GABPB2: variants seen among roughly 807,000 people sequenced by gnomAD.
GABPB2 encodes GA binding protein transcription factor subunit beta 2.
A neutral mutation model predicts 39.1 loss-of-function variants in GABPB2; 23 were observed. The observed-to-expected ratio is 0.59, with a 90% CI of 0.42 to 0.83. The LOEUF (loss-of-function observed/expected upper bound fraction) is 0.83. Among genes scored for constraint, GABPB2 ranks in the 40% least tolerant of loss-of-function variants. The pLI, the probability that GABPB2 is intolerant of heterozygous loss-of-function variation, is 0.00. For missense variants in GABPB2, 467 were observed against 541.1 expected (o/e 0.86, Z 1.36); for synonymous variants, 184 against 199.3 (o/e 0.92, Z 0.65).
rs753339649 is a variant in GABPB2, at chr1:151,080,231, A to G, written c.1-7959A>G. The stretch of plus-strand genomic sequence containing the variant: ...ACTCCATCTCAAAAAAAAAAAAAAA[A>G]AAAAAAAAAAAAACAATAATTAGCT... On this transcript the variant is annotated intron_variant, in intron 1 of 8. Coordinates refer to ENST00000368918, the MANE Select transcript of GABPB2 (RefSeq NM_144618.3). 2.6e-3 allele frequency among the ~76,000 whole-genome samples: 356 copies of G among 138,204 alleles called. 3 individuals are homozygous for G. The highest frequency in any genetic ancestry group is 5.2e-3 in the South Asian group (23 of 4,424). The allele number at this position is 138,204 out of a possible 152,430, so 90.7% of individuals were successfully genotyped here. A position where few individuals can be genotyped will look rare whatever the true frequency, so the allele number is the denominator to read the frequency against.
At chr1:151,077,142 A>G (rs1677236098) in intron 1 of GABPB2, among the ~76,000 whole-genome samples, 1 of 152,112 alleles carries the variant, frequency 6.6e-6, no homozygotes, top group Non-Finnish European at 1.5e-5. Context: ...ATTGGCTTTG[A>G]AAGAACTTTG....
intron 1 of GABPB2, among the ~76,000 whole-genome samples, chr1:151,076,766 A>C (rs1046847444): frequency 6.7e-6 from 1 of 149,142 alleles, no homozygotes; most frequent in Non-Finnish European, 1.5e-5. Flanking sequence ...TCATGGTAAA[A>C]TAGATTGGCT....
intron 5 of GABPB2, among the ~76,000 whole-genome samples, chr1:151,102,905 C>A (rs894501811): frequency 2.6e-5 from 4 of 152,118 alleles, no homozygotes; most frequent in South Asian, 2.1e-4. Context: ...ACACTTACTG[C>A]CTGCTGCCAA....
chr1:151,084,065 A>AT (rs977453962), intron 1 of GABPB2, among the ~76,000 whole-genome samples: 78 of 149,736 alleles, frequency 5.2e-4, no homozygotes, highest in South Asian at 2.5e-3. Context: ...TATATAAAAA[A>AT]ATATATATAT....
At chr1:151,071,653 A>G (rs958778740) in intron 1 of GABPB2, among the ~76,000 whole-genome samples, 1 of 151,776 alleles carries the variant, frequency 6.6e-6, no homozygotes, top group African/African-American at 2.4e-5. Context: ...TATATTTTTA[A>G]TAGAGACGGG....
intron 1 of GABPB2, chr1:151,073,173 C>T (rs376076587): frequency 6.6e-6 from 1 of 152,096 alleles, no homozygotes; most frequent in Non-Finnish European, 1.5e-5. Flanking sequence ...GGCCACCACA[C>T]CCTGCTAATT....
intron 4 of GABPB2, 72 bp from the exon 5 acceptor site, chr1:151,097,776 CAAAA>C (rs35034487): frequency 4.9e-5 from 60 of 1,222,830 alleles, no homozygotes; most frequent in Admixed American, 7.0e-5. Flanking sequence ...GAGACTGTCT[CAAAA>C]AAAAAAAAAA....
At chr1:151,075,543 G>A (rs1291097827) in intron 1 of GABPB2, among the ~76,000 whole-genome samples, 8 of 128,206 alleles carry the variant, frequency 6.2e-5, no homozygotes, top group Admixed American at 2.9e-4. Flanking sequence ...TAGCCTGGGC[G>A]ACAGAGCGAG....
Position 151,107,190 on chromosome 1 carries a change from C to G in GABPB2, c.890C>G (p.Pro297Arg). Reference sequence around the variant, plus strand: ...ATCCCTACTGGAGGCATTGGCCAGCCATTTATTGTAACTGTGCAAGATGGA... The same window carrying G: ...ATCCCTACTGGAGGCATTGGCCAGCGATTTATTGTAACTGTGCAAGATGGA... ...TSIPTGGIGQ[P>R]FIVTVQDGQQ... Residue 297 changes from proline (P) to arginine (R), a missense_variant, in exon 7 of 9, where the codon CCA becomes CGA. Coordinates refer to ENST00000368918, the MANE Select transcript of GABPB2 (RefSeq NM_144618.3). 1 of 1,599,332 alleles carries G rather than the reference C, an allele frequency of 6.3e-7. No individual in the cohort carries two copies.
chr1:151,077,265 TAA>T (rs1055204417), intron 1 of GABPB2, among the ~76,000 whole-genome samples: 2 of 151,544 alleles, frequency 1.3e-5, no homozygotes, highest in African/African-American at 4.8e-5. Flanking sequence ...CTGTGGTAAG[TAA>T]AGAGTGTCAC....
In GABPB2 at chr1:151,121,004, C is replaced by T. The variant is rs1681163434; in HGVS notation, c.*2748C>T. 6.6e-6 allele frequency: 1 copy of T among 152,230 alleles called. No individual in the cohort carries two copies. Among genetic ancestry groups the T allele is most frequent in the Non-Finnish European group, 1.5e-5 (1 of 68,032 alleles). 9.4% of individuals were successfully genotyped at this position (152,230 alleles called of 1,614,324 possible). On this transcript the variant is annotated 3_prime_UTR_variant, in exon 9 of 9. Transcript: ENST00000368918. ...CTCCTGGCCTCAGGTGATCCACCCG[C>T]CTTGGCCTCCCAAAATGCTGAGATT...
chr1:151,084,331 C>T (rs1677986027), intron 1 of GABPB2, among the ~76,000 whole-genome samples: 2 of 151,238 alleles, frequency 1.3e-5, no homozygotes, highest in Non-Finnish European at 2.9e-5. Flanking sequence ...AAGTGATTCT[C>T]CTGCCTCAGC....
chr1:151,106,920 C>CTTTTTTTT, intron 6 of GABPB2, 117 bp from the exon 7 acceptor site: 1 of 591,094 alleles, frequency 1.7e-6, no homozygotes. Flanking sequence ...TTGAATCTCA[C>CTTTTTTTT]TTTTTTTTTT....
At chr1:151,097,705 G>A (rs978145339) in intron 4 of GABPB2, 147 bp from the exon 5 acceptor site, 4 of 654,698 alleles carry the variant, frequency 6.1e-6, no homozygotes, top group Non-Finnish European at 7.7e-6. Context: ...CCTGAACCCA[G>A]GAGGTGGAGG....
intron 4 of GABPB2, among the ~76,000 whole-genome samples, chr1:151,094,157 T>G (rs181658375): frequency 2.1e-4 from 31 of 150,160 alleles, no homozygotes; most frequent in Admixed American, 1.8e-3. Context: ...GTTTGAGGGA[T>G]TCTTCCACCT....
chr1:151,083,654 A>ATT (rs587640005), intron 1 of GABPB2, among the ~76,000 whole-genome samples: 1,841 of 145,390 alleles, frequency 0.013, 46 homozygotes, highest in African/African-American at 0.047. Context: ...AAAAAAAAAA[A>ATT]TTATATATAT....
In GABPB2 at chr1:151,116,634, G is replaced by T. The variant is rs1274236156; in HGVS notation, c.923-758G>T. The stretch of plus-strand genomic sequence containing the variant: ...GTTTGTTTGTTTGTTTTAAGACAGG[G>T]TCTCATTCTGTCACCCAGGCTGGAG... On this transcript the variant is annotated intron_variant, in intron 7 of 8. Transcript: ENST00000368918. Among the ~76,000 whole-genome samples, 4 of 151,966 alleles carry T rather than the reference G, an allele frequency of 2.6e-5. No homozygotes were observed. In the East Asian group the frequency reaches 5.8e-4, roughly 22 times the overall value.
chr1:151,108,690 T>C (rs1680157847), intron 7 of GABPB2, among the ~76,000 whole-genome samples: 1 of 152,026 alleles, frequency 6.6e-6, no homozygotes, highest in Non-Finnish European at 1.5e-5. Flanking sequence ...GGCTATACAT[T>C]AGTATACTGA....
At chr1:151,104,087 C>A (rs902800668) in intron 6 of GABPB2, among the ~76,000 whole-genome samples, 1 of 152,104 alleles carries the variant, frequency 6.6e-6, no homozygotes, top group South Asian at 2.1e-4. Flanking sequence ...GTACCTTTTT[C>A]GTTGTCATAT....
Sources: allele counts gnomAD v4.1 joint callset (sites outside exome capture counted in the v4.1 genomes callset), GRCh38; gene constraint gnomAD v4.1.1; transcripts MANE v1.5; gene names NCBI Gene and HGNC (gene_info 2026-07-23, HGNC 2026-07-21).